Variants in EIF4G3 observed in about 807,000 individuals in gnomAD.
EIF4G3 encodes eIF-4-gamma 3.
Under a neutral mutation model 186.4 loss-of-function variants are expected in EIF4G3, and 34 were observed. That is an observed-to-expected ratio of 0.18 (90% CI 0.14 to 0.24). EIF4G3 has a LOEUF of 0.24. Ranked by LOEUF, EIF4G3 falls within the 10% of genes least tolerant of loss-of-function variation. The pLI is 1.00. For synonymous variants in EIF4G3, 673 were observed against 679.5 expected (o/e 0.99, Z 0.15); for missense variants, 1,536 against 1,948.5 (o/e 0.79, Z 3.99).
At chr1:20,878,239 T>C (rs1246848045) in intron 20 of EIF4G3, among the ~76,000 whole-genome samples, 1 of 152,198 alleles carries the variant, frequency 6.6e-6, no homozygotes, top group Non-Finnish European at 1.5e-5. Flanking sequence ...TGCTTCAGAC[T>C]TGAGCCTGCT....
chr1:21,022,323 C>G (rs1163503300), intron 4 of EIF4G3, among the ~76,000 whole-genome samples: 1 of 152,150 alleles, frequency 6.6e-6, no homozygotes, highest in Non-Finnish European at 1.5e-5. Context: ...AGTACAAAAA[C>G]CCCACAAGTT....
At position 20,849,475 on chromosome 1, in the gene EIF4G3, C is replaced by T. The variant is rs149032365; in HGVS notation, c.3828G>A (p.Glu1276=). The part of the protein sequence containing the change: ...SAHDKAALSE[E]ELERKSKSII... ...TAGATTTCGACTTCCTCTCCAGTTCCTCTTCTGATAATGCAGCCTTGTCAT... is the reference window on the plus strand; with the variant it reads ...TAGATTTCGACTTCCTCTCCAGTTCTTCTTCTGATAATGCAGCCTTGTCAT... The change falls in exon 29 of 37, where the codon GAG becomes GAA. Residue 1276 remains glutamate (E), a synonymous_variant. Coordinates refer to ENST00000602326, the MANE Select transcript of EIF4G3 (RefSeq NM_001391906.1). The T allele has an allele frequency of 1.4e-4, 225 of 1,570,352 alleles. 1 individual carries two copies. Among genetic ancestry groups the T allele is most frequent in the Non-Finnish European group, 1.9e-4 (218 of 1,161,272 alleles).
chr1:21,098,712 A>C (rs1171037880), intron 2 of EIF4G3, among the ~76,000 whole-genome samples: 2 of 152,142 alleles, frequency 1.3e-5, no homozygotes, highest in Non-Finnish European at 2.9e-5. Context: ...GTGCAGTTGC[A>C]GGATCATGGC....
chr1:20,928,858 A>C (rs192793990), intron 14 of EIF4G3, among the ~76,000 whole-genome samples: 6 of 152,272 alleles, frequency 3.9e-5, no homozygotes, highest in South Asian at 4.1e-4. Context: ...CCCCAGAAAG[A>C]AGCTCGGTAT....
chr1:20,950,443 G>A (rs913765009), intron 12 of EIF4G3, among the ~76,000 whole-genome samples: 5 of 152,020 alleles, frequency 3.3e-5, no homozygotes, highest in Non-Finnish European at 4.4e-5. Context: ...AACAATAGAC[G>A]ACACATCTGA....
At chr1:20,980,257 T>C in intron 10 of EIF4G3, 77 bp downstream of exon 10, 2 of 1,043,028 alleles carry the variant, frequency 1.9e-6, no homozygotes, top group Non-Finnish European at 2.7e-6. Context: ...AACCTCATTG[T>C]ATAAACCAAC....
In EIF4G3 at chr1:20,895,472, T is replaced by C. The variant is rs1283996227; in HGVS notation, c.2029A>G (p.Lys677Glu). 6.2e-7 allele frequency: 1 copy of C among 1,613,956 alleles called. No homozygotes were observed. Among genetic ancestry groups the C allele is most frequent in the East Asian group, 2.2e-5 (1 of 44,882 alleles). ...AGAAACTCCCTGTCATACTGCTTCT[T>C]ACCTTCAGTATCAGTAGGCTTCCAG... Reference protein sequence around the residue: ...ESWKPTDTEGKKQYDREFLLD... With the variant: ...ESWKPTDTEGEKQYDREFLLD... The change falls in exon 17 of 37, where the codon AAG (lysine) becomes GAG (glutamate). Residue 677 changes from lysine to glutamate, a missense_variant. Physicochemically the swap from Lys to Glu is moderately conservative, Grantham distance 56. This residue lies in a region of EIF4G3 where 139 missense variants were observed against 192.8 expected (regional missense o/e 0.72). Transcript: ENST00000602326.
At chr1:21,008,598 C>T (rs2086018828) in intron 4 of EIF4G3, among the ~76,000 whole-genome samples, 1 of 152,206 alleles carries the variant, frequency 6.6e-6, no homozygotes, top group Non-Finnish European at 1.5e-5. Flanking sequence ...CTCAGCCTCC[C>T]AAAGTGCTGG....
chr1:20,863,518 C>T (rs1232012765), intron 22 of EIF4G3, among the ~76,000 whole-genome samples: 1 of 145,550 alleles, frequency 6.9e-6, no homozygotes, highest in African/African-American at 2.5e-5. Flanking sequence ...AATCTTGGCT[C>T]ACTGCAACCT....
intron 2 of EIF4G3, among the ~76,000 whole-genome samples, chr1:21,147,683 A>G (rs2097472935): frequency 6.6e-6 from 1 of 152,180 alleles, no homozygotes; most frequent in Non-Finnish European, 1.5e-5. Context: ...TGAGCCTAGG[A>G]CATGAACAAA....
chr1:21,083,512 C>T (rs1414240994), intron 3 of EIF4G3, among the ~76,000 whole-genome samples: 1 of 148,934 alleles, frequency 6.7e-6, no homozygotes, highest in Non-Finnish European at 1.5e-5. Context: ...CTAATAGAGA[C>T]AGGGTTTCAC....
intron 4 of EIF4G3, among the ~76,000 whole-genome samples, chr1:21,016,213 C>T (rs1383679512): frequency 6.6e-6 from 1 of 152,104 alleles, no homozygotes; most frequent in Non-Finnish European, 1.5e-5. Flanking sequence ...TTATTATCAC[C>T]TTAAAATACA....
intron 4 of EIF4G3, among the ~76,000 whole-genome samples, chr1:21,014,825 G>A (rs959328785): frequency 6.6e-6 from 1 of 151,758 alleles, no homozygotes; most frequent in African/African-American, 2.4e-5. Context: ...GTAGAGACGG[G>A]GTTTTTGCCA....
chr1:20,835,245 A>G (rs1419229108), intron 30 of EIF4G3, among the ~76,000 whole-genome samples: 1 of 152,214 alleles, frequency 6.6e-6, no homozygotes, highest in Non-Finnish European at 1.5e-5. Context: ...TAAGAGGGAA[A>G]TGTATAGCAA....
chr1:20,969,695 C>T (rs988335134), intron 11 of EIF4G3, 99 bp from the exon 12 acceptor site: 1 of 1,132,774 alleles, frequency 8.8e-7, no homozygotes, highest in Non-Finnish European at 1.3e-6. Flanking sequence ...GGAAACCTGT[C>T]AAATATCAAA....
At chr1:21,048,148 G>T (rs2093999267) in intron 4 of EIF4G3, among the ~76,000 whole-genome samples, 1 of 152,192 alleles carries the variant, frequency 6.6e-6, no homozygotes, top group African/African-American at 2.4e-5. Flanking sequence ...GATGCTAGGA[G>T]ACCATCTTTT....
chr1:20,872,734 T>A (rs976395531), intron 20 of EIF4G3, among the ~76,000 whole-genome samples: 8 of 148,152 alleles, frequency 5.4e-5, no homozygotes, highest in African/African-American at 2.0e-4. Flanking sequence ...TTTTTTTTTT[T>A]TTGAGACAGA....
At chr1:20,973,581 G>A (rs1406870094) in intron 10 of EIF4G3, among the ~76,000 whole-genome samples, 1 of 152,116 alleles carries the variant, frequency 6.6e-6, no homozygotes, top group Non-Finnish European at 1.5e-5. Context: ...CCATAGGGAG[G>A]TACATAAAGG....
At position 20,942,168 on chromosome 1, in the gene EIF4G3, G is replaced by C; in HGVS notation, c.986C>G (p.Ser329Cys). 6.2e-7 allele frequency: 1 copy of C among 1,614,166 alleles called. No homozygotes were observed. Residue 329 changes from serine to cysteine, a missense_variant, in exon 14 of 37, where the codon TCT (serine) becomes TGT (cysteine). Physicochemically the swap from Ser to Cys is moderately radical, Grantham distance 112. Coordinates refer to ENST00000602326, the MANE Select transcript of EIF4G3 (RefSeq NM_001391906.1). ...PLPPSPTTVS[S>C]VARSTIAAPT... ...GGCTGCAATTGTACTTCGAGCAACA[G>C]AAGAAACAGTGGTAGGTGATGGAGG...
Sources: gnomAD v4.1 joint callset for allele counts (sites outside exome capture counted in the v4.1 genomes callset) on GRCh38, gnomAD v4.1.1 for gene constraint, gnomAD v4.1.1 regional missense constraint, MANE v1.5 for transcripts, NCBI Gene and HGNC (gene_info 2026-07-23, HGNC 2026-07-21) for gene names.